The following PNLDC1 variants were observed in gnomAD, a reference collection of about 807,000 sequenced individuals.
The protein encoded by PNLDC1 is poly(A)-specific ribonuclease PNLDC1.
A neutral mutation model predicts 82.0 loss-of-function variants in PNLDC1; 70 were observed. The ratio of observed to expected loss-of-function variants is 0.85; its 90% confidence interval spans 0.70 to 1.04. The LOEUF is 1.04. Among genes scored for constraint, PNLDC1 ranks in the 50% least tolerant of loss-of-function variants. The pLI, the probability that PNLDC1 is intolerant of heterozygous loss-of-function variation, is 0.00. For missense variants in PNLDC1, 631 were observed against 661.1 expected, an observed-to-expected ratio of 0.95 and a Z score of 0.50; for synonymous variants, 280 against 249.3, an observed-to-expected ratio of 1.12 and a Z score of -1.16.
chr6:159,800,742 G>A (rs763629906), intron 1 of PNLDC1, 30 bp from the exon 2 acceptor site: 2 of 1,614,198 alleles, frequency 1.2e-6, no homozygotes, highest in East Asian at 2.2e-5. Context: ...TTCTGCACCC[G>A]AGGACTGCTA....
At position 159,800,289 on chromosome 6, in the gene PNLDC1, T is replaced by A. The variant is rs1336505588; in HGVS notation, c.-19T>A. ...GCAGCACGTGATAGCGCTGGGCGAC[T>A]CCGCGGAGCTGCACGGCCATGGACG... On this transcript the variant is annotated 5_prime_UTR_variant, in exon 1 of 19. Transcript: ENST00000392167. The A allele has an allele frequency of 1.9e-6, 3 of 1,541,182 alleles. No individual in the cohort carries two copies. Among genetic ancestry groups the A allele is most frequent in the Non-Finnish European group, 2.6e-6 (3 of 1,141,276 alleles).
chr6:159,818,757 C>G (rs532310272), intron 16 of PNLDC1, 103 bp downstream of exon 16: 6 of 1,279,756 alleles, frequency 4.7e-6, no homozygotes, highest in South Asian at 3.8e-5. Flanking sequence ...TTTCGGTGGT[C>G]GGTGAGATGA....
chr6:159,804,585 C>A lies in PNLDC1; in HGVS notation c.409C>A (p.Gln137Lys). The stretch of plus-strand genomic sequence containing the variant: ...CGGAATCCCATATATGAATGAAGAA[C>A]AGGAGAAGAAAATTAGACACGATAT... ...KNGIPYMNEE[Q>K]EKKIRHDILT... is the part of the protein sequence containing the mutation. The change falls in exon 6 of 19, where the codon CAG becomes AAG. Residue 137 changes from glutamine (Q) to lysine (K), a missense_variant. Physicochemically the swap from Gln to Lys is moderately conservative, Grantham distance 53 (BLOSUM62 1). Coordinates refer to ENST00000392167, the MANE Select transcript of PNLDC1 (RefSeq NM_001271862.2). The A allele has an allele frequency of 3.1e-6, 5 of 1,610,402 alleles. No homozygotes were observed. Among genetic ancestry groups the A allele is most frequent in the Non-Finnish European group, 4.2e-6 (5 of 1,176,642 alleles).
At chr6:159,807,843 C>T (rs560475193) in intron 7 of PNLDC1, among the ~76,000 whole-genome samples, 1 of 152,056 alleles carries the variant, frequency 6.6e-6, no homozygotes, top group Non-Finnish European at 1.5e-5. Context: ...AAAGAATATC[C>T]AAAGTCATTT....
chr6:159,813,745 C>T (rs374642048), intron 12 of PNLDC1, 89 bp downstream of exon 12: 14 of 1,176,760 alleles, frequency 1.2e-5, no homozygotes, highest in South Asian at 8.7e-5. Flanking sequence ...TAGGCGTGCC[C>T]ACCATTCACA....
At chr6:159,808,982 C>T (rs367931667) in intron 8 of PNLDC1, 33 bp from the exon 9 acceptor site, 4 of 1,607,946 alleles carry the variant, frequency 2.5e-6, no homozygotes, top group Non-Finnish European at 3.4e-6. Flanking sequence ...TCCTAGTAAC[C>T]CAGGATTCAG....
At chr6:159,805,019 A>G (rs561856684) in intron 6 of PNLDC1, among the ~76,000 whole-genome samples, 1 of 152,098 alleles carries the variant, frequency 6.6e-6, no homozygotes, top group Non-Finnish European at 1.5e-5. Flanking sequence ...CTTCTGAGGG[A>G]TTTTTCAAGG....
At chr6:159,804,524 T>TTTC in intron 5 of PNLDC1, 25 bp from the exon 6 acceptor site, 2 of 1,486,708 alleles carry the variant, frequency 1.3e-6, no homozygotes, top group Non-Finnish European at 9.4e-7. Flanking sequence ...CCTTGTTCTG[T>TTTC]TTGTTGTTCT....
chr6:159,817,916 T>C (rs1262499273), intron 15 of PNLDC1, among the ~76,000 whole-genome samples: 1 of 152,216 alleles, frequency 6.6e-6, no homozygotes, highest in East Asian at 1.9e-4. Context: ...GAAGCTTATT[T>C]CTTAAATGTG....
chr6:159,804,711 C>G lies in PNLDC1; in HGVS notation c.461+74C>G, dbSNP rs1405240510. 4.5e-5 allele frequency: 52 copies of G among 1,159,114 alleles called. No homozygotes were observed. The Admixed American group carries it at 7.5e-4, about 17-fold the overall frequency. 71.8% of individuals were successfully genotyped at this position (1,159,114 alleles called of 1,614,324 possible). On this transcript the variant is annotated intron_variant, in intron 6 of 18. Coordinates refer to ENST00000392167, the MANE Select transcript of PNLDC1 (RefSeq NM_001271862.2). ...CTGCATTTCCCGTGGGCGGGCGTGC[C>G]GTTTCCAGGAGTGTGGTGACCTCCA...
chr6:159,818,078 C>T (rs1273637846), intron 15 of PNLDC1, among the ~76,000 whole-genome samples: 1 of 152,212 alleles, frequency 6.6e-6, no homozygotes, highest in Admixed American at 6.5e-5. Flanking sequence ...GGCCTAAAAG[C>T]CCTCCCTGCC....
At position 159,817,070 on chromosome 6, in the gene PNLDC1, G is replaced by A; in HGVS notation, c.1115-39G>A. The A allele has an allele frequency of 1.9e-6, 3 of 1,582,312 alleles. No individual in the cohort carries two copies. In the Admixed American group the frequency reaches 5.0e-5, roughly 26 times the overall value. On this transcript the variant is annotated intron_variant, in intron 14 of 18. Transcript: ENST00000392167. ...GATAAAGCATAAGCATGCACATTTT[G>A]ATAAGCTCTATTGCATTTCTGTCTT...
intron 4 of PNLDC1, among the ~76,000 whole-genome samples, chr6:159,803,712 C>G (rs193015968): frequency 6.6e-6 from 1 of 152,154 alleles, no homozygotes; most frequent in Non-Finnish European, 1.5e-5. Context: ...CCAGCCTGCA[C>G]GCCCTAACCT....
At chr6:159,811,974 A>C (rs1295477268) in intron 11 of PNLDC1, among the ~76,000 whole-genome samples, 188 bp downstream of exon 11, 1 of 152,014 alleles carries the variant, frequency 6.6e-6, no homozygotes, top group East Asian at 1.9e-4. Context: ...ATCTCAGCTC[A>C]CTGCAACCTT....
In PNLDC1 at chr6:159,805,561, A is replaced by G. The variant is rs1179812949; in HGVS notation, c.462-422A>G. ...TTGGAGAAAGGCCTTTCCTTATCTC[A>G]AAATGATGTTAGGTTCTGTTTCTGA... is the stretch of plus-strand genomic sequence containing the variant. On this transcript the variant is annotated intron_variant, in intron 6 of 18. Coordinates refer to ENST00000392167, the MANE Select transcript of PNLDC1 (RefSeq NM_001271862.2). 1.9e-5 allele frequency: 3 copies of G among 154,016 alleles called. No individual in the cohort carries two copies. The East Asian group carries it at 5.7e-4, about 29-fold the overall frequency. The allele number at this position is 154,016 out of a possible 1,614,324, so 9.5% of individuals were successfully genotyped here.
In PNLDC1 at chr6:159,819,442, C is replaced by A; in HGVS notation, c.1532+90C>A. On this transcript the variant is annotated intron_variant, in intron 18 of 18. Coordinates refer to ENST00000392167, the MANE Select transcript of PNLDC1 (RefSeq NM_001271862.2). The surrounding 1 kb of genome is among the most constrained non-coding windows in gnomAD (Gnocchi z 4.6). ...CCAGCATGGTCTGACTCGAGCACAGCTCACTTGCTGGTGTGTGTTGCCAAG... is the reference window on the plus strand; with the variant it reads ...CCAGCATGGTCTGACTCGAGCACAGATCACTTGCTGGTGTGTGTTGCCAAG... 5 of 1,153,344 alleles carry A rather than the reference C, an allele frequency of 4.3e-6. No homozygotes were observed. Among genetic ancestry groups the A allele is most frequent in the Non-Finnish European group, 4.9e-6 (4 of 808,964 alleles). The allele number at this position is 1,153,344 out of a possible 1,614,324, so 71.4% of individuals were successfully genotyped here.
At chr6:159,801,449 T>A (rs1312997009) in intron 3 of PNLDC1, among the ~76,000 whole-genome samples, 1 of 152,124 alleles carries the variant, frequency 6.6e-6, no homozygotes, top group Admixed American at 6.5e-5. Flanking sequence ...TGTGTGCGAT[T>A]TTTATTTTAT....
chr6:159,800,501 G>A, intron 1 of PNLDC1, 118 bp downstream of exon 1: 1 of 1,331,922 alleles, frequency 7.5e-7, no homozygotes, highest in Non-Finnish European at 1.0e-6. Flanking sequence ...CCTCGGGAAG[G>A]ACAGGGGGGC....
chr6:159,810,153 A>G, intron 10 of PNLDC1, 58 bp downstream of exon 10: 2 of 1,474,716 alleles, frequency 1.4e-6, no homozygotes, highest in Admixed American at 1.7e-5. Flanking sequence ...TGGCAGAGGG[A>G]TTGGTACACA....
Sources: allele counts gnomAD v4.1 joint callset (sites outside exome capture counted in the v4.1 genomes callset), GRCh38; gene constraint gnomAD v4.1.1; non-coding constraint Gnocchi (gnomAD v3.1); transcripts MANE v1.5; gene names NCBI Gene and HGNC (gene_info 2026-07-23, HGNC 2026-07-21).